RRAGD: variants seen among roughly 807,000 people sequenced by gnomAD.
The protein encoded by RRAGD is ras-related GTP-binding protein D.
RRAGD carries 12 observed loss-of-function variants against 35.5 expected under a neutral mutation model. The ratio of observed to expected loss-of-function variants is 0.34; its 90% CI spans 0.22 to 0.55. The LOEUF is 0.55. RRAGD is among the 20% of genes least tolerant of loss of function. The pLI is 0.91. For synonymous variants in RRAGD, 155 were observed against 178.9 expected, an observed-to-expected ratio of 0.87 and a Z score of 1.07; for missense variants, 324 against 490.1, an observed-to-expected ratio of 0.66 and a Z score of 3.20.
At chr6:89,369,322 T>C (rs1337811295) in intron 6 of RRAGD, among the ~76,000 whole-genome samples, 1 of 152,150 alleles carries the variant, frequency 6.6e-6, no homozygotes, top group Non-Finnish European at 1.5e-5. Context: ...AAATGGCAAT[T>C]TGAATATGAG....
intron 1 of RRAGD, among the ~76,000 whole-genome samples, chr6:89,400,035 C>T (rs1465988272): frequency 6.6e-6 from 1 of 152,150 alleles, no homozygotes; most frequent in African/African-American, 2.4e-5. Flanking sequence ...CACCCAGAAC[C>T]TTCACCACCA....
intron 1 of RRAGD, among the ~76,000 whole-genome samples, chr6:89,396,023 G>A (rs565322114): frequency 4.0e-5 from 6 of 151,578 alleles, no homozygotes; most frequent in Non-Finnish European, 8.8e-5. Flanking sequence ...TGGTCTAACT[G>A]TAAGATCTAA....
chr6:89,372,880 G>A (rs1371043982), intron 5 of RRAGD, among the ~76,000 whole-genome samples: 1 of 152,222 alleles, frequency 6.6e-6, no homozygotes, highest in Non-Finnish European at 1.5e-5. Flanking sequence ...GTGGCCAAGG[G>A]CTTCTTGTTT....
chr6:89,411,738 C>A lies in RRAGD; in HGVS notation c.148+108G>T. ...CCAAACCCTCAACTGGACCCGCTCC[C>A]CTGGACCCCCTCCAAGTCGGTGGCT... is the stretch of plus-strand genomic sequence containing the variant. On this transcript the variant is annotated intron_variant, in intron 1 of 6. Transcript: ENST00000369415. The surrounding 1 kb of genome is among the most constrained non-coding windows in gnomAD (Gnocchi z 5.6). 7.9e-7 allele frequency: 1 copy of A among 1,272,918 alleles called. No homozygotes were observed. Among genetic ancestry groups the A allele is most frequent in the East Asian group, 2.8e-5 (1 of 36,146 alleles). The allele number at this position is 1,272,918 out of a possible 1,614,324, so 78.9% of individuals were successfully genotyped here. A position where few individuals can be genotyped will look rare whatever the true frequency, so the allele number is the denominator to read the frequency against.
intron 1 of RRAGD, among the ~76,000 whole-genome samples, chr6:89,397,011 G>T (rs1408423286): frequency 6.6e-6 from 1 of 152,092 alleles, no homozygotes; most frequent in Non-Finnish European, 1.5e-5. Flanking sequence ...GAATTGCTGG[G>T]ATTACAGGCA....
chr6:89,372,878 G>C (rs1768877093), intron 5 of RRAGD, among the ~76,000 whole-genome samples: 1 of 152,210 alleles, frequency 6.6e-6, no homozygotes. Flanking sequence ...CCGTGGCCAA[G>C]GGCTTCTTGT....
intron 1 of RRAGD, among the ~76,000 whole-genome samples, chr6:89,394,294 G>T (rs914524380): frequency 6.6e-5 from 10 of 151,600 alleles, no homozygotes; most frequent in South Asian, 2.1e-4. Context: ...AAAAAGAGAA[G>T]TGAAAAAAAA....
intron 6 of RRAGD, among the ~76,000 whole-genome samples, chr6:89,371,855 T>A (rs1768858535): frequency 6.6e-6 from 1 of 152,208 alleles, no homozygotes; most frequent in African/African-American, 2.4e-5. Flanking sequence ...AAAATAAAAC[T>A]GAATTTGATC....
chr6:89,368,205 GC>G lies in RRAGD; in HGVS notation c.1053del (p.Leu352Ter). 1 of 1,609,774 alleles carries G rather than the reference GC, an allele frequency of 6.2e-7. No individual in the cohort carries two copies. The highest frequency in any genetic ancestry group is 8.5e-7 in the Non-Finnish European group (1 of 1,178,754). On this transcript the variant is annotated frameshift_variant and splice_region_variant, in exon 7 of 7. Coordinates refer to ENST00000369415, the MANE Select transcript of RRAGD (RefSeq NM_021244.5). LOFTEE classifies it high-confidence loss of function. ...FVREESFERK[G>X]LIDYNFHCFR... The stretch of plus-strand genomic sequence containing the variant: ...AAGCAATGAAAATTATAGTCAATTA[GC>G]CCTGGAGAAGAGAACAAAAATATTT...
chr6:89,375,449 G>T (rs550521919), intron 5 of RRAGD, among the ~76,000 whole-genome samples: 1 of 152,142 alleles, frequency 6.6e-6, no homozygotes, highest in South Asian at 2.1e-4. Context: ...TAAAGTGTGT[G>T]CATGTGTGTG....
chr6:89,383,088 G>T (rs970410816), intron 2 of RRAGD, among the ~76,000 whole-genome samples: 2 of 152,216 alleles, frequency 1.3e-5, no homozygotes, highest in African/African-American at 4.8e-5. Context: ...AACCTTTGGG[G>T]TGGTGGAAAT....
At chr6:89,369,142 C>T (rs1026106701) in intron 6 of RRAGD, among the ~76,000 whole-genome samples, 2 of 152,066 alleles carry the variant, frequency 1.3e-5, no homozygotes, top group East Asian at 1.9e-4. Flanking sequence ...GGGAGGGCAC[C>T]GTCTCGGTTT....
At chr6:89,404,691 C>T (rs368287604) in intron 1 of RRAGD, among the ~76,000 whole-genome samples, 1 of 152,086 alleles carries the variant, frequency 6.6e-6, no homozygotes, top group African/African-American at 2.4e-5. Context: ...CCAGCAGAGC[C>T]CTGTCAAAAA....
chr6:89,402,038 A>ATTTTTTTTTTTTCTTTT (rs61239155), intron 1 of RRAGD, among the ~76,000 whole-genome samples: 1,083 of 78,356 alleles, frequency 0.014, 88 homozygotes, highest in African/African-American at 0.066. Context: ...AATCCTAAGG[A>ATTTTTTTTTTTTCTTTT]TTTTTTTTTT....
At position 89,412,216 on chromosome 6, in the gene RRAGD, C is replaced by G; in HGVS notation, c.-223G>C. Reference sequence around the variant, plus strand: ...CCCCCTCCCCCGCCCCGCCCGCCGGCGGAGGAGTCAGCCGGAGCGCGGCAG... The same window carrying G: ...CCCCCTCCCCCGCCCCGCCCGCCGGGGGAGGAGTCAGCCGGAGCGCGGCAG... On this transcript the variant is annotated 5_prime_UTR_variant, in exon 1 of 7. Transcript: ENST00000369415. The surrounding 1 kb of genome is among the most constrained non-coding windows in gnomAD (Gnocchi z 4.2). 1 of 299,160 alleles carries G rather than the reference C, an allele frequency of 3.3e-6. No homozygotes were observed. The highest frequency in any genetic ancestry group is 6.0e-6 in the Non-Finnish European group (1 of 165,792). The allele number at this position is 299,160 out of a possible 1,614,324, so 18.5% of individuals were successfully genotyped here.
chr6:89,370,055 G>T (rs1422488889), intron 6 of RRAGD, among the ~76,000 whole-genome samples: 1 of 152,160 alleles, frequency 6.6e-6, no homozygotes, highest in East Asian at 1.9e-4. Context: ...GCTGAGCAGG[G>T]AGGATCACTT....
Position 89,411,429 on chromosome 6 carries a change from AGCC to A in RRAGD, c.148+414_148+416del. 6.3e-6 allele frequency: 1 copy of A among 159,130 alleles called. No individual in the cohort carries two copies. The highest frequency in any genetic ancestry group is 2.0e-4 in the South Asian group (1 of 4,892). 9.9% of individuals were successfully genotyped at this position (159,130 alleles called of 1,614,324 possible). A position where few individuals can be genotyped will look rare whatever the true frequency, so the allele number is the denominator to read the frequency against. ...ACGCCGCCGCCGGCTGCCTTTTTTT[AGCC>A]ACGACATCTGACCCTGGCTTCAACA... On this transcript the variant is annotated intron_variant, in intron 1 of 6. Transcript: ENST00000369415. The surrounding 1 kb of genome is among the most constrained non-coding windows in gnomAD (Gnocchi z 5.6).
chr6:89,375,445 G>C (rs1470088274), intron 5 of RRAGD, among the ~76,000 whole-genome samples: 1 of 152,034 alleles, frequency 6.6e-6, no homozygotes, highest in Non-Finnish European at 1.5e-5. Context: ...ATTTTAAAGT[G>C]TGTGCATGTG....
chr6:89,387,163 C>A, intron 2 of RRAGD, 132 bp downstream of exon 2: 1 of 908,610 alleles, frequency 1.1e-6, no homozygotes, highest in African/African-American at 1.7e-5. Flanking sequence ...TTGGCAAAGT[C>A]TGAGAGCCCT....
Sources: allele counts gnomAD v4.1 joint callset (sites outside exome capture counted in the v4.1 genomes callset), GRCh38; gene constraint gnomAD v4.1.1; non-coding constraint Gnocchi (gnomAD v3.1); transcripts MANE v1.5; gene names NCBI Gene and HGNC (gene_info 2026-07-23, HGNC 2026-07-21).